Variants in RANBP2 observed in about 807,000 individuals in gnomAD.
RANBP2 encodes E3 SUMO-protein ligase RanBP2.
A neutral mutation model predicts 303.6 loss-of-function variants in RANBP2; 57 were observed. The ratio of observed to expected loss-of-function variants is 0.19; its 90% CI spans 0.15 to 0.23. The LOEUF (loss-of-function observed/expected upper bound fraction) is 0.23. RANBP2 is among the 10% of genes least tolerant of loss of function. The pLI, the probability that RANBP2 is intolerant of heterozygous loss-of-function variation, is 1.00. For missense variants in RANBP2, 3,138 were observed against 3,780.8 expected (o/e 0.83, Z 4.46); for synonymous variants, 1,167 against 1,301.5 (o/e 0.90, Z 2.23).
At chr2:109,394,369 G>A in the RANBP2 span, among the ~76,000 whole-genome samples, 1 of 152,096 alleles carries the variant, frequency 6.6e-6, no homozygotes, top group Non-Finnish European at 1.5e-5. Flanking sequence ...GGACAAGACT[G>A]CACCATCCCC....
At chr2:109,513,496 ACAC>A in the RANBP2 span, among the ~76,000 whole-genome samples, 6 of 135,298 alleles carry the variant, frequency 4.4e-5, no homozygotes, top group Non-Finnish European at 8.1e-5. Context: ...ACATGTACAC[ACAC>A]CACATGTACA....
intron 4 of RANBP2, chr2:108,731,719 T>G (rs1191099777): frequency 1.4e-6 from 1 of 707,268 alleles, no homozygotes; most frequent in South Asian, 2.3e-5. Context: ...TTTTACAGTT[T>G]AGTAGCTGTA....
At chr2:109,585,928 C>T in the RANBP2 span, 1 of 862,498 alleles carries the variant, frequency 1.2e-6, no homozygotes. Context: ...ACAAATATAT[C>T]AAATAAATGA....
chr2:109,359,308 G>T, the RANBP2 span, among the ~76,000 whole-genome samples: 1 of 152,196 alleles, frequency 6.6e-6, no homozygotes, highest in Non-Finnish European at 1.5e-5. Context: ...ATTCACAAAA[G>T]AACTTGCTGA....
At chr2:109,055,205 G>A in the RANBP2 span, among the ~76,000 whole-genome samples, 159 of 152,218 alleles carry the variant, frequency 1.0e-3, 3 homozygotes, top group South Asian at 0.017. Flanking sequence ...CTTTTCTGAA[G>A]TGTCTGTTCA....
chr2:108,821,967 A>G, the RANBP2 span, among the ~76,000 whole-genome samples: 3 of 151,718 alleles, frequency 2.0e-5, no homozygotes, highest in African/African-American at 7.3e-5. Context: ...CTTTATCAGT[A>G]ATTACTTTAA....
chr2:108,899,396 T>G, the RANBP2 span, among the ~76,000 whole-genome samples: 1 of 152,198 alleles, frequency 6.6e-6, no homozygotes, highest in African/African-American at 2.4e-5. Flanking sequence ...AAGTTAAGAA[T>G]TTTTCACCAG....
chr2:109,108,619 C>T, the RANBP2 span, among the ~76,000 whole-genome samples: 1 of 152,200 alleles, frequency 6.6e-6, no homozygotes, highest in Non-Finnish European at 1.5e-5. Flanking sequence ...TCACGTTTCT[C>T]TTGTGCCAAC....
chr2:108,925,859 A>G, the RANBP2 span, among the ~76,000 whole-genome samples: 1 of 152,052 alleles, frequency 6.6e-6, no homozygotes, highest in Non-Finnish European at 1.5e-5. Flanking sequence ...CAAGTGATCC[A>G]CCTGCCTTGG....
chr2:108,731,267 C>T (rs1558876183), intron 3 of RANBP2, 55 bp from the exon 4 acceptor site: 1 of 1,584,892 alleles, frequency 6.3e-7, no homozygotes, highest in African/African-American at 1.4e-5. Flanking sequence ...ATATATACTC[C>T]TACATACATA....
At chr2:109,726,441 GAACA>G in the RANBP2 span, among the ~76,000 whole-genome samples, 4 of 151,736 alleles carry the variant, frequency 2.6e-5, no homozygotes, top group African/African-American at 4.8e-5. Flanking sequence ...AAAAACAAAC[GAACA>G]AACAAACAAA....
chr2:109,448,064 T>C, the RANBP2 span, among the ~76,000 whole-genome samples: 1 of 152,116 alleles, frequency 6.6e-6, no homozygotes, highest in Non-Finnish European at 1.5e-5. Flanking sequence ...TCTCACATGC[T>C]CAGCCCTCAC....
chr2:109,659,208 C>G, the RANBP2 span, among the ~76,000 whole-genome samples: 1 of 152,116 alleles, frequency 6.6e-6, no homozygotes, highest in Non-Finnish European at 1.5e-5. Context: ...GAAACCCCAT[C>G]TCTACTAAAA....
chr2:109,606,425 A>C, the RANBP2 span, among the ~76,000 whole-genome samples: 1 of 152,104 alleles, frequency 6.6e-6, no homozygotes, highest in Non-Finnish European at 1.5e-5. Context: ...AAAAACAAAA[A>C]ATAAAAAATA....
the RANBP2 span, among the ~76,000 whole-genome samples, chr2:108,829,859 C>T: frequency 6.6e-6 from 1 of 152,176 alleles, no homozygotes; most frequent in African/African-American, 2.4e-5. Flanking sequence ...CTGTGGAAGA[C>T]AGTATGGTGA....
the RANBP2 span, among the ~76,000 whole-genome samples, chr2:109,264,111 C>A: frequency 6.6e-6 from 1 of 152,198 alleles, no homozygotes; most frequent in Non-Finnish European, 1.5e-5. Context: ...TGGGTGCTAC[C>A]TGTCCACCTC....
At chr2:109,541,233 G>A in the RANBP2 span, among the ~76,000 whole-genome samples, 7 of 152,222 alleles carry the variant, frequency 4.6e-5, no homozygotes, top group South Asian at 4.2e-4. Flanking sequence ...GAGATCCCTC[G>A]ATTTACCCCA....
chr2:109,608,061 T>C, the RANBP2 span, among the ~76,000 whole-genome samples: 1 of 152,358 alleles, frequency 6.6e-6, no homozygotes, highest in African/African-American at 2.4e-5. Flanking sequence ...ATTTCTCATC[T>C]ATACACATAG....
At chr2:109,400,837 C>T in the RANBP2 span, among the ~76,000 whole-genome samples, 1 of 152,240 alleles carries the variant, frequency 6.6e-6, no homozygotes, top group Non-Finnish European at 1.5e-5. Flanking sequence ...GATGCTCCCA[C>T]AGCCTGTGCC....
Sources: gnomAD v4.1 joint callset for allele counts (sites outside exome capture counted in the v4.1 genomes callset) on GRCh38, gnomAD v4.1.1 for gene constraint, MANE v1.5 for transcripts, NCBI Gene and HGNC (gene_info 2026-07-23, HGNC 2026-07-21) for gene names.